KIAA0232: variants seen among roughly 807,000 people sequenced by gnomAD.
KIAA0232 encodes the protein KIAA0232.
KIAA0232 carries 27 observed loss-of-function variants against 122.0 expected under a neutral mutation model. The ratio of observed to expected loss-of-function variants is 0.22; its 90% CI spans 0.16 to 0.31. KIAA0232 has a LOEUF of 0.31. Among genes scored for constraint, KIAA0232 ranks in the 10% least tolerant of loss-of-function variants. The pLI is 1.00. For missense variants in KIAA0232, 1,551 were observed against 1,634.2 expected (o/e 0.95, Z 0.88); for synonymous variants, 613 against 587.6 (o/e 1.04, Z -0.63).
Position 6,866,248 on chromosome 4 carries a change from A to T in KIAA0232, c.3801+2065A>T, listed in dbSNP as rs372720715. On this transcript the variant is annotated intron_variant, in intron 7 of 9. Transcript: ENST00000307659. ...AGATTCTACATCATACCACTACCAT[A>T]TTCCTTCGCTTTCTAGTATGTTGAT... The T allele has an allele frequency of 4.6e-5, 45 of 982,886 alleles. 1 individual carries two copies. The Middle Eastern group carries it at 3.1e-3, about 68-fold the overall frequency. 60.9% of individuals were successfully genotyped at this position (982,886 alleles called of 1,614,324 possible). A position where few individuals can be genotyped will look rare whatever the true frequency, so the allele number is the denominator to read the frequency against.
chr4:6,823,213 A>G (rs1436811744), intron 2 of KIAA0232, among the ~76,000 whole-genome samples: 2 of 151,660 alleles, frequency 1.3e-5, no homozygotes, highest in African/African-American at 4.9e-5. Context: ...AGTCTTTGCT[A>G]TTGTGAATAA....
At chr4:6,826,225 T>TG (rs1273479647) in intron 3 of KIAA0232, among the ~76,000 whole-genome samples, 3 of 152,252 alleles carry the variant, frequency 2.0e-5, no homozygotes, top group African/African-American at 7.2e-5. Flanking sequence ...GGTTGCTTGC[T>TG]GCCTTGGCTG....
chr4:6,802,204 A>G (rs1274373494), intron 1 of KIAA0232, among the ~76,000 whole-genome samples: 1 of 152,224 alleles, frequency 6.6e-6, no homozygotes, highest in African/African-American at 2.4e-5. Context: ...GGCCAACCCC[A>G]TTAGAATAGC....
intron 3 of KIAA0232, among the ~76,000 whole-genome samples, chr4:6,836,998 C>T (rs1286322005): frequency 2.0e-5 from 3 of 152,222 alleles, no homozygotes; most frequent in Non-Finnish European, 2.9e-5. Flanking sequence ...CCCACACTTC[C>T]CCCCTTTCTA....
chr4:6,835,133 G>A (rs1205204115), intron 3 of KIAA0232, among the ~76,000 whole-genome samples: 1 of 152,188 alleles, frequency 6.6e-6, no homozygotes, highest in Non-Finnish European at 1.5e-5. Flanking sequence ...TAGAGGGCTG[G>A]ACTCAGCTGG....
At chr4:6,869,901 A>G (rs1490865624) in intron 7 of KIAA0232, among the ~76,000 whole-genome samples, 1 of 152,256 alleles carries the variant, frequency 6.6e-6, no homozygotes, top group Non-Finnish European at 1.5e-5. Context: ...GTCTTTTAAA[A>G]CAATGAAGAT....
chr4:6,846,930 G>T (rs1180336545), intron 4 of KIAA0232, among the ~76,000 whole-genome samples: 1 of 152,122 alleles, frequency 6.6e-6, no homozygotes, highest in Non-Finnish European at 1.5e-5. Flanking sequence ...TTCCCATCCA[G>T]TCCAAATGCC....
intron 6 of KIAA0232, among the ~76,000 whole-genome samples, chr4:6,859,977 T>C (rs981348832): frequency 1.3e-5 from 2 of 152,238 alleles, no homozygotes; most frequent in Non-Finnish European, 2.9e-5. Context: ...GCATAACATG[T>C]GTGTCTTGGT....
intron 4 of KIAA0232, 120 bp from the exon 5 acceptor site, chr4:6,857,044 A>G: frequency 1.7e-6 from 1 of 590,962 alleles, no homozygotes; most frequent in African/African-American, 1.9e-5. Flanking sequence ...AAATATTGGT[A>G]AGATATTTAT....
intron 2 of KIAA0232, among the ~76,000 whole-genome samples, chr4:6,820,402 G>C (rs1192306574): frequency 6.6e-6 from 1 of 151,912 alleles, no homozygotes; most frequent in East Asian, 1.9e-4. Context: ...TTAAGTGGAG[G>C]GTTTGTTTTT....
chr4:6,876,936 C>T (rs543331621), intron 9 of KIAA0232, among the ~76,000 whole-genome samples, 179 bp downstream of exon 9: 21 of 152,294 alleles, frequency 1.4e-4, no homozygotes, highest in Middle Eastern at 6.8e-3. Context: ...CATTCTCCCC[C>T]GCTTCCAAAC....
At chr4:6,803,012 A>C (rs1717454539) in intron 1 of KIAA0232, among the ~76,000 whole-genome samples, 1 of 116,066 alleles carries the variant, frequency 8.6e-6, no homozygotes, top group Admixed American at 9.6e-5. Flanking sequence ...TGTCTTGACC[A>C]AAAAAAAAAA....
intron 1 of KIAA0232, among the ~76,000 whole-genome samples, chr4:6,800,863 G>C (rs535546229): frequency 6.6e-6 from 1 of 152,174 alleles, no homozygotes; most frequent in South Asian, 2.1e-4. Flanking sequence ...TTATGTGAGG[G>C]GGGTGATACG....
At chr4:6,859,342 GA>G (rs1181663597) in intron 6 of KIAA0232, among the ~76,000 whole-genome samples, 1 of 151,892 alleles carries the variant, frequency 6.6e-6, no homozygotes, top group Non-Finnish European at 1.5e-5. Context: ...TGAAACCTAA[GA>G]AAAAAATAGC....
chr4:6,819,208 G>A (rs962910994), intron 2 of KIAA0232, among the ~76,000 whole-genome samples: 12 of 151,964 alleles, frequency 7.9e-5, no homozygotes, highest in East Asian at 3.9e-4. Flanking sequence ...CAACAAAAAC[G>A]AACATTGACA....
At chr4:6,803,102 G>A (rs1717461880) in intron 1 of KIAA0232, among the ~76,000 whole-genome samples, 1 of 150,486 alleles carries the variant, frequency 6.6e-6, no homozygotes, top group Non-Finnish European at 1.5e-5. Flanking sequence ...GATCACTTGA[G>A]CCCAGGAGTT....
chr4:6,878,196 G>A (rs1466884394), intron 9 of KIAA0232, among the ~76,000 whole-genome samples: 5 of 152,218 alleles, frequency 3.3e-5, no homozygotes, highest in South Asian at 2.1e-4. Context: ...CCAACATGGC[G>A]AAACCCCATC....
At chr4:6,825,356 G>A (rs888723012) in intron 3 of KIAA0232, among the ~76,000 whole-genome samples, 1 of 152,102 alleles carries the variant, frequency 6.6e-6, no homozygotes, top group African/African-American at 2.4e-5. Context: ...TTTGAGACCA[G>A]CCTTGGCAAC....
intron 3 of KIAA0232, among the ~76,000 whole-genome samples, chr4:6,830,055 TGATA>T: frequency 6.6e-6 from 1 of 152,362 alleles, no homozygotes; most frequent in South Asian, 2.1e-4. Flanking sequence ...GAGTCTGTGA[TGATA>T]ACAGAAAACC....
Sources: allele counts gnomAD v4.1 joint callset (sites outside exome capture counted in the v4.1 genomes callset), GRCh38; gene constraint gnomAD v4.1.1; transcripts MANE v1.5; gene names NCBI Gene and HGNC (gene_info 2026-07-23, HGNC 2026-07-21).